The following CDIN1 variants were observed in gnomAD, a reference collection of about 807,000 sequenced individuals.
CDIN1 encodes CDAN1 interacting nuclease 1, also known as CDAN1-interacting nuclease 1.
CDIN1 carries 33 observed loss-of-function variants against 45.3 expected under a neutral mutation model. That is an observed-to-expected ratio of 0.73 (90% CI 0.55 to 0.97). The LOEUF (loss-of-function observed/expected upper bound fraction) is 0.97. CDIN1 is among the 50% of genes least tolerant of loss of function. CDIN1 has a pLI of 0.00. For synonymous variants in CDIN1, 118 were observed against 124.4 expected (o/e 0.95, Z 0.34); for missense variants, 303 against 339.4 (o/e 0.89, Z 0.84).
intron 10 of CDIN1, chr15:36,804,743 G>C (rs1431023619): frequency 8.1e-6 from 1 of 123,110 alleles, no homozygotes; most frequent in Non-Finnish European, 1.6e-5. Context: ...TGCAGTCTCA[G>C]CTCACTGCAA....
intron 10 of CDIN1, chr15:36,734,373 C>T: frequency 2.3e-6 from 1 of 428,124 alleles, no homozygotes; most frequent in Non-Finnish European, 4.6e-6. Context: ...TACTTTATTC[C>T]TTCCCTAGTT....
chr15:36,773,480 G>A (rs1232391241), intron 10 of CDIN1, among the ~76,000 whole-genome samples: 1 of 152,158 alleles, frequency 6.6e-6, no homozygotes, highest in Non-Finnish European at 1.5e-5. Flanking sequence ...CACGTGGCTA[G>A]TGGCTACTGT....
intron 5 of CDIN1, among the ~76,000 whole-genome samples, chr15:36,671,970 A>G (rs1395294688): frequency 6.6e-6 from 1 of 152,048 alleles, no homozygotes; most frequent in African/African-American, 2.4e-5. Flanking sequence ...TTAATTAATC[A>G]TTTTATGGAT....
chr15:36,768,279 C>T (rs1019809314), intron 10 of CDIN1, among the ~76,000 whole-genome samples: 1 of 152,214 alleles, frequency 6.6e-6, no homozygotes, highest in Non-Finnish European at 1.5e-5. Context: ...GACCTTTGGT[C>T]CAAGTCCTAG....
chr15:36,748,540 T>C (rs867180683), intron 10 of CDIN1, among the ~76,000 whole-genome samples: 1 of 152,124 alleles, frequency 6.6e-6, no homozygotes, highest in Non-Finnish European at 1.5e-5. Flanking sequence ...TCACAACAGC[T>C]GTTTCCCTGT....
At chr15:36,780,996 G>C (rs1048369593) in intron 10 of CDIN1, among the ~76,000 whole-genome samples, 1 of 152,148 alleles carries the variant, frequency 6.6e-6, no homozygotes, top group East Asian at 1.9e-4. Context: ...AAAGGTCCAA[G>C]GACGCCCCAA....
At chr15:36,796,752 C>G (rs1207556710) in intron 10 of CDIN1, among the ~76,000 whole-genome samples, 3 of 152,234 alleles carry the variant, frequency 2.0e-5, no homozygotes, top group African/African-American at 7.2e-5. Flanking sequence ...GAGCATCCCT[C>G]TTCGTTTGGA....
chr15:36,626,503 A>G (rs1048094486), intron 1 of CDIN1, among the ~76,000 whole-genome samples: 8 of 152,232 alleles, frequency 5.3e-5, no homozygotes, highest in Non-Finnish European at 7.3e-5. Context: ...TAGAGTTTCA[A>G]GGTATGTTTT....
chr15:36,635,861 A>G (rs2039878458), intron 1 of CDIN1, among the ~76,000 whole-genome samples: 1 of 152,210 alleles, frequency 6.6e-6, no homozygotes, highest in Non-Finnish European at 1.5e-5. Flanking sequence ...GACATTACTG[A>G]AGAGAGGATT....
At chr15:36,764,514 G>A (rs1035171) in intron 10 of CDIN1, among the ~76,000 whole-genome samples, 103,018 of 152,050 alleles carry the variant, frequency 0.68, 35,139 homozygotes, top group East Asian at 0.93. Context: ...AAAAGAATGC[G>A]TTTATCTGCT....
Position 36,635,425 on chromosome 15 carries a change from A to G in CDIN1, c.102-8853A>G, listed in dbSNP as rs1054763185. ...TTAGATTGAAAATATGGTATTTGCAAGACGTGAAACCTGCATATCTAGAGG... is the reference window on the plus strand; with the variant it reads ...TTAGATTGAAAATATGGTATTTGCAGGACGTGAAACCTGCATATCTAGAGG... On this transcript the variant is annotated intron_variant, in intron 1 of 10. Coordinates refer to ENST00000566621, the MANE Select transcript of CDIN1 (RefSeq NM_001321759.2). 5.3e-5 allele frequency among the ~76,000 whole-genome samples: 8 copies of G among 152,314 alleles called. No individual in the cohort carries two copies. In the South Asian group the frequency reaches 6.2e-4, roughly 12 times the overall value.
intron 10 of CDIN1, chr15:36,799,551 A>G (rs1435605047): frequency 6.6e-6 from 1 of 152,018 alleles, no homozygotes; most frequent in Non-Finnish European, 1.5e-5. Context: ...AATAAATACA[A>G]CATAGTTAAA....
intron 1 of CDIN1, among the ~76,000 whole-genome samples, chr15:36,595,610 A>T (rs2037782405): frequency 6.9e-6 from 1 of 145,904 alleles, no homozygotes; most frequent in Non-Finnish European, 1.5e-5. Flanking sequence ...AAGAACTTCT[A>T]CTCTTTTAAT....
intron 8 of CDIN1, chr15:36,706,264 G>A (rs2042861455): frequency 6.6e-6 from 1 of 152,146 alleles, no homozygotes; most frequent in Non-Finnish European, 1.5e-5. Context: ...CACAGATTGG[G>A]TTTTGTGGAG....
chr15:36,664,220 A>G (rs1595441101), intron 5 of CDIN1, among the ~76,000 whole-genome samples: 1 of 152,308 alleles, frequency 6.6e-6, no homozygotes, highest in African/African-American at 2.4e-5. Context: ...TCCAGACCAC[A>G]GTTTATAGAA....
intron 10 of CDIN1, among the ~76,000 whole-genome samples, chr15:36,778,886 T>G (rs1230675597): frequency 6.6e-6 from 1 of 152,186 alleles, no homozygotes; most frequent in Non-Finnish European, 1.5e-5. Context: ...AAAGATATGA[T>G]GGAAATAAAT....
intron 5 of CDIN1, among the ~76,000 whole-genome samples, chr15:36,677,004 A>G (rs1340538728): frequency 6.6e-6 from 1 of 152,136 alleles, no homozygotes; most frequent in Admixed American, 6.5e-5. Flanking sequence ...TCTTTGGGAG[A>G]TGAGTCATTA....
intron 10 of CDIN1, among the ~76,000 whole-genome samples, chr15:36,776,586 AAAGG>A (rs1332829455): frequency 1.3e-5 from 2 of 152,220 alleles, no homozygotes; most frequent in East Asian, 3.8e-4. Context: ...CTTCGTGCTA[AAAGG>A]ATGGTGTTTT....
intron 7 of CDIN1, among the ~76,000 whole-genome samples, chr15:36,696,947 A>T (rs915491182): frequency 3.2e-5 from 2 of 61,720 alleles, no homozygotes; most frequent in East Asian, 4.7e-4. Flanking sequence ...TTCCATTTCT[A>T]AAAAAAAAAA....
Sources: gnomAD v4.1 joint callset for allele counts (sites outside exome capture counted in the v4.1 genomes callset) on GRCh38, gnomAD v4.1.1 for gene constraint, MANE v1.5 for transcripts, NCBI Gene and HGNC (gene_info 2026-07-23, HGNC 2026-07-21) for gene names.